SART1: variants seen among roughly 807,000 people sequenced by gnomAD.
The protein encoded by SART1 is U4/U6.U5 tri-snRNP-associated protein 1.
SART1 carries 28 observed loss-of-function variants against 105.0 expected under a neutral mutation model. The ratio of observed to expected loss-of-function variants is 0.27; its 90% CI spans 0.20 to 0.37. The LOEUF (loss-of-function observed/expected upper bound fraction) is 0.37. Among genes scored for constraint, SART1 ranks in the 10% least tolerant of loss-of-function variants. The pLI, the probability that SART1 is intolerant of heterozygous loss-of-function variation, is 1.00. For missense variants in SART1, 894 were observed against 1,106.5 expected (o/e 0.81, Z 2.72); for synonymous variants, 472 against 462.9 (o/e 1.02, Z -0.25).
Position 65,978,190 on chromosome 11 carries a change from T to A in SART1, c.2172+291T>A, listed in dbSNP as rs1855522289. On this transcript the variant is annotated intron_variant, in intron 17 of 19. Coordinates refer to ENST00000312397, the MANE Select transcript of SART1 (RefSeq NM_005146.5). This position sits in a 1 kb window ranked among gnomAD's most constrained non-coding sequence, Gnocchi z 6.8. ...TCACCTGCGTGAGCCCTTCACTGGCTTTCCTGGCCCGCAGGGCCATTCCAG... is the reference window on the plus strand; with the variant it reads ...TCACCTGCGTGAGCCCTTCACTGGCATTCCTGGCCCGCAGGGCCATTCCAG... The A allele has an allele frequency of 3.9e-6, 2 of 515,958 alleles. No homozygotes were observed. The highest frequency in any genetic ancestry group is 7.0e-6 in the Non-Finnish European group (2 of 286,074). The allele number at this position is 515,958 out of a possible 1,614,324, so 32.0% of individuals were successfully genotyped here.
Position 65,964,512 on chromosome 11 carries a change from C to T in SART1, c.372-3C>T. 1.2e-6 allele frequency: 2 copies of T among 1,613,126 alleles called. No homozygotes were observed. Among genetic ancestry groups the T allele is most frequent in the Non-Finnish European group, 1.7e-6 (2 of 1,179,756 alleles). On this transcript the variant is annotated splice_polypyrimidine_tract_variant and splice_region_variant and intron_variant, in intron 2 of 19. Coordinates refer to ENST00000312397, the MANE Select transcript of SART1 (RefSeq NM_005146.5). ...CCCTAACACTTGTATCTCTTGTTGT[C>T]AGCAAACTCCGGGCAAAGTTGGGGC...
In SART1 at chr11:65,961,990, C is replaced by T. The variant is rs1033613022; in HGVS notation, c.210C>T (p.Ala70=). ...AGCGCGGGAGCGGGCGGCGCGGGGCCGAAGCTGAGGCCCGGAGCAGCACGC... is the reference window on the plus strand; with the variant it reads ...AGCGCGGGAGCGGGCGGCGCGGGGCTGAAGCTGAGGCCCGGAGCAGCACGC... The part of the protein sequence containing the change: ...GGERGSGRRG[A]EAEARSSTHG... The change falls in exon 1 of 20, where the codon GCC becomes GCT. Residue 70 remains alanine (A), a synonymous_variant. Coordinates refer to ENST00000312397, the MANE Select transcript of SART1 (RefSeq NM_005146.5). 6.6e-7 allele frequency: 1 copy of T among 1,519,390 alleles called. No homozygotes were observed. The highest frequency in any genetic ancestry group is 8.8e-7 in the Non-Finnish European group (1 of 1,137,320). The allele number at this position is 1,519,390 out of a possible 1,614,324, so 94.1% of individuals were successfully genotyped here. A position where few individuals can be genotyped will look rare whatever the true frequency, so the allele number is the denominator to read the frequency against.
chr11:65,978,686 G>C lies in SART1; in HGVS notation c.2259G>C (p.Glu753Asp). Reference sequence around the variant, plus strand: ...GGCGGATGAAGAAGCTGGACGAGGAGGCGGTGGGTGCCCTTGGGGATGTGG... The same window carrying C: ...GGCGGATGAAGAAGCTGGACGAGGACGCGGTGGGTGCCCTTGGGGATGTGG... ...TERRMKKLDEEALLKKMSSSD... is the reference protein window; with the variant it reads ...TERRMKKLDEDALLKKMSSSD... Residue 753 changes from glutamate to aspartate, a missense_variant, in exon 18 of 20, where the codon GAG becomes GAC. Glu to Asp is a conservative substitution (Grantham distance 45). Around this residue, in one of 2 missense-constraint regions of SART1, gnomAD observed 182 missense variants for 328.3 expected, o/e 0.55. Coordinates refer to ENST00000312397, the MANE Select transcript of SART1 (RefSeq NM_005146.5). The surrounding 1 kb of genome is among the most constrained non-coding windows in gnomAD (Gnocchi z 6.8). 6.2e-7 allele frequency: 1 copy of C among 1,610,936 alleles called. No individual in the cohort carries two copies. The highest frequency in any genetic ancestry group is 8.5e-7 in the Non-Finnish European group (1 of 1,178,720).
In SART1 at chr11:65,976,571, G is replaced by A; in HGVS notation, c.1746+3G>A. ...GCGAGGAGCAGGAGGAGCTCATGGT[G>A]CGTCTGGGGCGGCCCCGCCCTCTGC... On this transcript the variant is annotated splice_donor_region_variant and intron_variant, in intron 13 of 19. Coordinates refer to ENST00000312397, the MANE Select transcript of SART1 (RefSeq NM_005146.5). The surrounding 1 kb of genome is among the most constrained non-coding windows in gnomAD (Gnocchi z 5.1). The A allele has an allele frequency of 6.2e-7, 1 of 1,612,782 alleles. No individual in the cohort carries two copies. The highest frequency in any genetic ancestry group is 8.5e-7 in the Non-Finnish European group (1 of 1,179,522).
Position 65,965,759 on chromosome 11 carries a change from G to A in SART1, c.718G>A (p.Glu240Lys), listed in dbSNP as rs370631644. The A allele has an allele frequency of 6.8e-5, 109 of 1,614,000 alleles. No homozygotes were observed. Among genetic ancestry groups the A allele is most frequent in the Non-Finnish European group, 9.2e-5 (108 of 1,180,026 alleles). The change falls in exon 6 of 20, where the codon GAG becomes AAG. Residue 240 changes from glutamate (E) to lysine (K), a missense_variant. Physicochemically the swap from Glu to Lys is moderately conservative, Grantham distance 56. This residue lies in a region of SART1 where 712 missense variants were observed against 778.2 expected (regional missense o/e 0.91). Transcript: ENST00000312397. ...EFGVSTLVEE[E>K]FGQRRQDLYS... ...TGGTGTCAGCACTCTGGTGGAGGAG[G>A]AGTTCGGGCAGAGGCGGCAGGTGAG... is the stretch of plus-strand genomic sequence containing the variant.
intron 15 of SART1, 140 bp from the exon 16 acceptor site, chr11:65,977,423 T>A: frequency 2.8e-6 from 2 of 709,860 alleles, no homozygotes; most frequent in Non-Finnish European, 4.9e-6. Context: ...GCATCTTTGC[T>A]TTGCCTGTAG....
In SART1 at chr11:65,976,390, C is replaced by G; in HGVS notation, c.1573-5C>G. Reference sequence around the variant, plus strand: ...GGGTTTGCCCACAGCCGCTCCCTCCCCCAGGTGGTGGAGATTGTGAAGAAG... The same window carrying G: ...GGGTTTGCCCACAGCCGCTCCCTCCGCCAGGTGGTGGAGATTGTGAAGAAG... On this transcript the variant is annotated splice_polypyrimidine_tract_variant and splice_region_variant and intron_variant, in intron 12 of 19. Transcript: ENST00000312397. The surrounding 1 kb of genome is among the most constrained non-coding windows in gnomAD (Gnocchi z 5.1). 1 of 1,532,548 alleles carries G rather than the reference C, an allele frequency of 6.5e-7. No individual in the cohort carries two copies. The highest frequency in any genetic ancestry group is 8.7e-7 in the Non-Finnish European group (1 of 1,143,934). The allele number at this position is 1,532,548 out of a possible 1,614,324, so 94.9% of individuals were successfully genotyped here. A position where few individuals can be genotyped will look rare whatever the true frequency, so the allele number is the denominator to read the frequency against.
intron 2 of SART1, 27 bp from the exon 3 acceptor site, chr11:65,964,488 C>T: frequency 2.5e-6 from 4 of 1,613,244 alleles, no homozygotes; most frequent in South Asian, 2.2e-5. Flanking sequence ...TTTAATAGCC[C>T]CTAACACTTG....
Position 65,962,030 on chromosome 11 carries a change from A to G in SART1, c.250A>G (p.Ser84Gly). ...GAGCAGCACGCACGGGCGGGAGCGC[A>G]GCCAGGCAGAGCCCTCCGAGCGGCG... is the stretch of plus-strand genomic sequence containing the variant. ...ARSSTHGRER[S>G]QAEPSERRVK... The change falls in exon 1 of 20, where the codon AGC (serine) becomes GGC (glycine). Residue 84 changes from serine to glycine, a missense_variant. Around this residue, in one of 2 missense-constraint regions of SART1, gnomAD observed 712 missense variants for 778.2 expected, o/e 0.91. Transcript: ENST00000312397. 1 of 1,503,650 alleles carries G rather than the reference A, an allele frequency of 6.7e-7. No individual in the cohort carries two copies. Among genetic ancestry groups the G allele is most frequent in the Non-Finnish European group, 8.8e-7 (1 of 1,132,122 alleles). 93.1% of individuals were successfully genotyped at this position (1,503,650 alleles called of 1,614,324 possible). A position where few individuals can be genotyped will look rare whatever the true frequency, so the allele number is the denominator to read the frequency against.
rs1338461192 is a variant in SART1, at chr11:65,974,869, A to G, written c.1573-1526A>G. ...GCTAGTACGGTGAAACCCCATCTCT[A>G]CTGAAAAAAAATACAAAAAAATTAG... is the stretch of plus-strand genomic sequence containing the variant. On this transcript the variant is annotated intron_variant, in intron 12 of 19. Coordinates refer to ENST00000312397, the MANE Select transcript of SART1 (RefSeq NM_005146.5). 3.3e-5 allele frequency among the ~76,000 whole-genome samples: 5 copies of G among 151,718 alleles called. No homozygotes were observed. In the East Asian group the frequency reaches 7.8e-4, roughly 24 times the overall value.
At chr11:65,962,322 CTG>C (rs1263143429) in intron 1 of SART1, among the ~76,000 whole-genome samples, 1 of 152,222 alleles carries the variant, frequency 6.6e-6, no homozygotes, top group East Asian at 1.9e-4. Flanking sequence ...AAGCGAGACT[CTG>C]TCTCAAAAAG....
intron 12 of SART1, among the ~76,000 whole-genome samples, chr11:65,969,529 A>G (rs1302131633): frequency 1.3e-5 from 2 of 152,214 alleles, no homozygotes; most frequent in Admixed American, 6.5e-5. Flanking sequence ...AGTTCACTGC[A>G]GCCTTGAACT....
In SART1 at chr11:65,976,848, A is replaced by T; in HGVS notation, c.1857+82A>T. On this transcript the variant is annotated intron_variant, in intron 14 of 19. Transcript: ENST00000312397. This position sits in a 1 kb window ranked among gnomAD's most constrained non-coding sequence, Gnocchi z 5.1. ...CACCGGGCTCGGTGTCCAGAGCCTC[A>T]GCCTCCTCATCCAGAGTGGGCTCTG... is the stretch of plus-strand genomic sequence containing the variant. 4 of 1,272,904 alleles carry T rather than the reference A, an allele frequency of 3.1e-6. No homozygotes were observed. The highest frequency in any genetic ancestry group is 4.4e-6 in the Non-Finnish European group (4 of 902,206). The allele number at this position is 1,272,904 out of a possible 1,614,324, so 78.9% of individuals were successfully genotyped here.
chr11:65,976,706 C>T lies in SART1; in HGVS notation c.1797C>T (p.Asp599=), dbSNP rs749607149. The T allele has an allele frequency of 6.2e-6, 10 of 1,613,380 alleles. No individual in the cohort carries two copies. The highest frequency in any genetic ancestry group is 2.2e-5 in the South Asian group (2 of 91,064). The change falls in exon 14 of 20, where the codon GAC becomes GAT. Residue 599 remains aspartate, a synonymous_variant. Coordinates refer to ENST00000312397, the MANE Select transcript of SART1 (RefSeq NM_005146.5). The surrounding 1 kb of genome is among the most constrained non-coding windows in gnomAD (Gnocchi z 5.1). ...CAGCCAACGGTGGCTCCGAATCTGA[C>T]GGGGAGGAGAACATCGGCTGGAGCA... ...ERSANGGSES[D]GEENIGWSTV...
At chr11:65,963,237 T>G (rs1855181653) in intron 1 of SART1, among the ~76,000 whole-genome samples, 1 of 152,060 alleles carries the variant, frequency 6.6e-6, no homozygotes, top group Admixed American at 6.6e-5. Context: ...AACCTTTGTG[T>G]CATGGGAACT....
chr11:65,976,620 T>G lies in SART1; in HGVS notation c.1747-36T>G. ...GCTTCCCTCGGCTGGGTGGGCTGGC[T>G]GGGGCCTGGGCCGACCCTGGTCTTT... is the stretch of plus-strand genomic sequence containing the variant. On this transcript the variant is annotated intron_variant, in intron 13 of 19. Transcript: ENST00000312397. This position sits in a 1 kb window ranked among gnomAD's most constrained non-coding sequence, Gnocchi z 5.1. 1 of 1,613,366 alleles carries G rather than the reference T, an allele frequency of 6.2e-7. No individual in the cohort carries two copies. The highest frequency in any genetic ancestry group is 1.1e-5 in the South Asian group (1 of 91,074).
chr11:65,972,673 A>G (rs1855401764), intron 12 of SART1, among the ~76,000 whole-genome samples: 1 of 151,988 alleles, frequency 6.6e-6, no homozygotes, highest in Admixed American at 6.6e-5. Flanking sequence ...AGGCTAAGGC[A>G]GGAGGATTGC....
At position 65,976,604 on chromosome 11, in the gene SART1, G is replaced by C; in HGVS notation, c.1746+36G>C. On this transcript the variant is annotated intron_variant, in intron 13 of 19. Coordinates refer to ENST00000312397, the MANE Select transcript of SART1 (RefSeq NM_005146.5). The surrounding 1 kb of genome is among the most constrained non-coding windows in gnomAD (Gnocchi z 5.1). ...GGCGGCCCCGCCCTCTGCTTCCCTC[G>C]GCTGGGTGGGCTGGCTGGGGCCTGG... 1.2e-6 allele frequency: 2 copies of C among 1,613,464 alleles called. No individual in the cohort carries two copies. The highest frequency in any genetic ancestry group is 1.1e-5 in the South Asian group (1 of 91,060).
chr11:65,965,941 T>C lies in SART1; in HGVS notation c.793T>C (p.Ser265Pro). The C allele has an allele frequency of 6.2e-7, 1 of 1,614,062 alleles. No homozygotes were observed. Residue 265 changes from serine to proline, a missense_variant, in exon 7 of 20, where the codon TCC becomes CCC. By Grantham distance (74) the Ser-to-Pro change is moderately conservative. Around this residue, in one of 2 missense-constraint regions of SART1, gnomAD observed 712 missense variants for 778.2 expected, o/e 0.91. Coordinates refer to ENST00000312397, the MANE Select transcript of SART1 (RefSeq NM_005146.5). Reference sequence around the variant, plus strand: ...CCTCACCGTGGAGCATGCCATTGATTCCTTCCGAGAAGGGGAGACAATGAT... The same window carrying C: ...CCTCACCGTGGAGCATGCCATTGATCCCTTCCGAGAAGGGGAGACAATGAT... ...QGLTVEHAID[S>P]FREGETMILT...
Sources: allele counts gnomAD v4.1 joint callset (sites outside exome capture counted in the v4.1 genomes callset), GRCh38; gene constraint gnomAD v4.1.1; regional missense constraint gnomAD v4.1.1; non-coding constraint Gnocchi (gnomAD v3.1); transcripts MANE v1.5; gene names NCBI Gene and HGNC (gene_info 2026-07-23, HGNC 2026-07-21).